The following DGKB variants were observed in gnomAD, a reference collection of about 807,000 sequenced individuals.
DGKB encodes 90 kDa diacylglycerol kinase.
In DGKB, 67 loss-of-function variants were observed where a neutral mutation model predicts 114.3. That is an observed-to-expected ratio of 0.59 (90% confidence interval 0.48 to 0.72). The LOEUF is 0.72. Ranked by LOEUF, DGKB falls within the 30% of genes least tolerant of loss-of-function variation. The pLI is 0.00. For synonymous variants in DGKB, 398 were observed against 323.1 expected (o/e 1.23, Z -2.49); for missense variants, 907 against 975.2 (o/e 0.93, Z 0.93).
At chr7:14,570,681 G>T (rs149392374) in intron 20 of DGKB, among the ~76,000 whole-genome samples, 1 of 152,016 alleles carries the variant, frequency 6.6e-6, no homozygotes, top group African/African-American at 2.4e-5. Flanking sequence ...CATCATAAAG[G>T]TCTTTATCTT....
At chr7:14,419,422 T>C (rs773426451) in intron 21 of DGKB, among the ~76,000 whole-genome samples, 2 of 151,952 alleles carry the variant, frequency 1.3e-5, no homozygotes, top group East Asian at 3.9e-4. Flanking sequence ...TTTGGAGATA[T>C]AAACTTTGCA....
At position 14,901,932 on chromosome 7, in the gene DGKB, G is replaced by A. The variant is rs529066799; in HGVS notation, c.-188+660C>T. ...GTATAGAGCCATCTATGTAAAAATC[G>A]CCACTTTAAAATCACAAGAAAGAGA... On this transcript the variant is annotated intron_variant, in intron 1 of 25. Transcript: ENST00000402815. Among the ~76,000 whole-genome samples, 4 of 152,092 alleles carry A rather than the reference G, an allele frequency of 2.6e-5. No homozygotes were observed. In the South Asian group the frequency reaches 8.3e-4, roughly 32 times the overall value.
At chr7:14,237,605 A>C (rs964207330) in intron 23 of DGKB, among the ~76,000 whole-genome samples, 3 of 152,004 alleles carry the variant, frequency 2.0e-5, no homozygotes, top group African/African-American at 7.2e-5. Flanking sequence ...TTGAATTTTC[A>C]TTCATATATA....
At chr7:14,567,081 A>AT (rs1797506418) in intron 20 of DGKB, among the ~76,000 whole-genome samples, 5 of 124,894 alleles carry the variant, frequency 4.0e-5, no homozygotes, top group East Asian at 4.6e-4. Flanking sequence ...TATATATATA[A>AT]AAAATTATCC....
At position 14,176,916 on chromosome 7, in the gene DGKB, C is replaced by A; in HGVS notation, c.2244-17G>T. The A allele has an allele frequency of 1.2e-6, 2 of 1,612,922 alleles. No homozygotes were observed. The highest frequency in any genetic ancestry group is 1.7e-6 in the Non-Finnish European group (2 of 1,179,060). On this transcript the variant is annotated splice_polypyrimidine_tract_variant and intron_variant, in intron 24 of 25. Transcript: ENST00000402815. ...TTGCTCGTCCTGGGGGAAAATATTT[C>A]ATTGTAAGTATTGCAAGGAAATACT...
intron 1 of DGKB, among the ~76,000 whole-genome samples, chr7:14,910,314 G>GAAAGAAAA (rs1209418948): frequency 1.2e-3 from 165 of 132,366 alleles, no homozygotes; most frequent in African/African-American, 4.4e-3. Flanking sequence ...AAGAAAGAAA[G>GAAAGAAAA]AACCTTATAT....
intron 25 of DGKB, among the ~76,000 whole-genome samples, chr7:14,169,095 C>G (rs112641332): frequency 6.6e-6 from 1 of 151,848 alleles, no homozygotes; most frequent in African/African-American, 2.4e-5. Flanking sequence ...TGCAGTGGCT[C>G]ACGCCTGTAA....
At chr7:14,636,897 A>T (rs142929109) in intron 13 of DGKB, among the ~76,000 whole-genome samples, 1 of 151,952 alleles carries the variant, frequency 6.6e-6, no homozygotes, top group Non-Finnish European at 1.5e-5. Context: ...TTACAGTAGC[A>T]TATTTTCTTT....
intron 20 of DGKB, among the ~76,000 whole-genome samples, chr7:14,530,420 C>A (rs1791385332): frequency 6.6e-6 from 1 of 151,390 alleles, no homozygotes. Flanking sequence ...CAGAAAAAAA[C>A]CCTGTATGGA....
At chr7:14,577,400 G>A (rs1243638844) in intron 19 of DGKB, among the ~76,000 whole-genome samples, 1 of 152,082 alleles carries the variant, frequency 6.6e-6, no homozygotes, top group African/African-American at 2.4e-5. Flanking sequence ...GGTGGATCAC[G>A]AGGTCAGGAG....
intron 23 of DGKB, among the ~76,000 whole-genome samples, chr7:14,188,583 C>A (rs1464951936): frequency 8.2e-6 from 1 of 122,094 alleles, no homozygotes; most frequent in African/African-American, 3.0e-5. Flanking sequence ...TGGCGTGAAC[C>A]CGGGAGGCGG....
chr7:14,677,071 C>A (rs2128957722), intron 12 of DGKB, among the ~76,000 whole-genome samples: 1 of 151,910 alleles, frequency 6.6e-6, no homozygotes, highest in East Asian at 1.9e-4. Context: ...GAGTTTATGA[C>A]AACTTCCAGT....
intron 5 of DGKB, among the ~76,000 whole-genome samples, chr7:14,733,830 G>GAAGGAAGA (rs1345308747): frequency 3.3e-5 from 5 of 151,486 alleles, no homozygotes; most frequent in Non-Finnish European, 5.9e-5. Context: ...AGGAAGGAGG[G>GAAGGAAGA]AAGGAAGAAA....
At chr7:14,598,183 A>G (rs978125913) in intron 17 of DGKB, among the ~76,000 whole-genome samples, 3 of 152,196 alleles carry the variant, frequency 2.0e-5, no homozygotes, top group Non-Finnish European at 4.4e-5. Flanking sequence ...AATGAATTCA[A>G]ATCATCTTTG....
At chr7:14,762,699 C>T (rs144634585) in intron 2 of DGKB, among the ~76,000 whole-genome samples, 2,086 of 152,162 alleles carry the variant, frequency 0.014, 40 homozygotes, top group African/African-American at 0.047. Flanking sequence ...TCAACACATA[C>T]TTGTCAGATT....
At chr7:14,642,344 C>A (rs1040842631) in intron 13 of DGKB, among the ~76,000 whole-genome samples, 13 of 151,978 alleles carry the variant, frequency 8.6e-5, no homozygotes, top group Non-Finnish European at 1.6e-4. Context: ...TTTTATCTGC[C>A]ATCCTTTTTC....
chr7:14,920,580 A>C (rs183465941), intron 1 of DGKB, among the ~76,000 whole-genome samples: 1 of 152,230 alleles, frequency 6.6e-6, no homozygotes, highest in African/African-American at 2.4e-5. Flanking sequence ...TTTGGAAGAC[A>C]GTTTGGCAGT....
intron 13 of DGKB, among the ~76,000 whole-genome samples, chr7:14,671,784 T>C (rs1585531384): frequency 6.6e-6 from 1 of 152,088 alleles, no homozygotes; most frequent in Non-Finnish European, 1.5e-5. Flanking sequence ...AAAATAAGAA[T>C]ATAAATAATA....
chr7:14,756,588 T>C (rs1834905110), intron 3 of DGKB, among the ~76,000 whole-genome samples: 2 of 151,674 alleles, frequency 1.3e-5, no homozygotes, highest in African/African-American at 2.4e-5. Flanking sequence ...AATAAGAAAA[T>C]ATGACATGAA....
Sources: allele counts gnomAD v4.1 joint callset (sites outside exome capture counted in the v4.1 genomes callset), GRCh38; gene constraint gnomAD v4.1.1; transcripts MANE v1.5; gene names NCBI Gene and HGNC (gene_info 2026-07-23, HGNC 2026-07-21).